The following RSAD2 variants were observed in gnomAD, a reference collection of about 807,000 sequenced individuals.
The protein encoded by RSAD2 is radical S-adenosyl methionine domain containing 2.
A neutral mutation model predicts 37.7 loss-of-function variants in RSAD2; 38 were observed. That is an observed-to-expected ratio of 1.01 (90% CI 0.78 to 1.32). The LOEUF (loss-of-function observed/expected upper bound fraction) is 1.32, where lower values mean the gene tolerates loss of function less well. Among genes scored for constraint, RSAD2 ranks in the 40% most tolerant of loss-of-function variants. RSAD2 has a pLI of 0.00. For synonymous variants in RSAD2, 163 were observed against 157.4 expected, an observed-to-expected ratio of 1.04 and a Z score of -0.27; for missense variants, 428 against 437.5, an observed-to-expected ratio of 0.98 and a Z score of 0.19.
At position 6,890,164 on chromosome 2, in the gene RSAD2, A is replaced by ATTGCCTTTCAGGTGTTCCAG; in HGVS notation, c.739-10_748dup. The ATTGCCTTTCAGGTGTTCCAG allele has an allele frequency of 6.2e-7, 1 of 1,613,682 alleles. No individual in the cohort carries two copies. Among genetic ancestry groups the ATTGCCTTTCAGGTGTTCCAG allele is most frequent in the Non-Finnish European group, 8.5e-7 (1 of 1,179,686 alleles). ...AGCTCTCTGCAAAGCAAACACTACC[A>ATTGCCTTTCAGGTGTTCCAG]TTGCCTTTCAGGTGTTCCAGTGCCT... On this transcript the variant is annotated splice_polypyrimidine_tract_variant and intron_variant, in intron 3 of 5. Transcript: ENST00000382040.
chr2:6,885,513 G>T (rs1663500460), intron 2 of RSAD2, among the ~76,000 whole-genome samples: 1 of 152,170 alleles, frequency 6.6e-6, no homozygotes, highest in Non-Finnish European at 1.5e-5. Context: ...GCTACCATAT[G>T]TGCAGGGATT....
chr2:6,883,291 A>C, intron 1 of RSAD2, 80 bp from the exon 2 acceptor site: 1 of 1,464,930 alleles, frequency 6.8e-7, no homozygotes. Context: ...TTTTTTTTAC[A>C]TTGAGAAAAT....
intron 2 of RSAD2, 138 bp downstream of exon 2, chr2:6,883,670 A>G: frequency 1.0e-6 from 1 of 959,632 alleles, no homozygotes; most frequent in Non-Finnish European, 1.5e-6. Context: ...TGCTTACTCT[A>G]ATTGCTTTTC....
In RSAD2 at chr2:6,884,225, T is replaced by C. The variant is rs183199427; in HGVS notation, c.508+693T>C. Among the ~76,000 whole-genome samples, 4 of 152,300 alleles carry C rather than the reference T, an allele frequency of 2.6e-5. No individual in the cohort carries two copies. The East Asian group carries it at 7.7e-4, about 29-fold the overall frequency. ...CTGCATTTATAATCTGTTGAGGATG[T>C]TGCTGAGACATCTCTGATACCCCAT... On this transcript the variant is annotated intron_variant, in intron 2 of 5. Coordinates refer to ENST00000382040, the MANE Select transcript of RSAD2 (RefSeq NM_080657.5).
chr2:6,882,146 C>T (rs967254534), intron 1 of RSAD2, among the ~76,000 whole-genome samples: 5 of 152,220 alleles, frequency 3.3e-5, no homozygotes, highest in African/African-American at 1.2e-4. Context: ...CCAGCCCCTC[C>T]CTTCATCACA....
Position 6,878,125 on chromosome 2 carries a change from T to A in RSAD2, c.325T>A (p.Leu109Met). 3 of 1,613,942 alleles carry A rather than the reference T, an allele frequency of 1.9e-6. No individual in the cohort carries two copies. Among genetic ancestry groups the A allele is most frequent in the Non-Finnish European group, 2.5e-6 (3 of 1,179,922 alleles). ...GCCCCTTGAGGAAGCAAAGAGAGGA[T>A]TGCTTTTGCTTAAGGAAGCTGGTGA... ...VLPLEEAKRG[L>M]LLLKEAGMEK... is the part of the protein sequence containing the mutation. The change falls in exon 1 of 6, where the codon TTG (leucine) becomes ATG (methionine). Residue 109 changes from leucine to methionine, a missense_variant. Coordinates refer to ENST00000382040, the MANE Select transcript of RSAD2 (RefSeq NM_080657.5).
intron 4 of RSAD2, among the ~76,000 whole-genome samples, chr2:6,891,721 C>T (rs1346710696): frequency 6.6e-6 from 1 of 152,052 alleles, no homozygotes; most frequent in South Asian, 2.1e-4. Flanking sequence ...GAGCGGAGAT[C>T]GCTCACTGCA....
At chr2:6,893,258 C>CA (rs1000379159) in intron 4 of RSAD2, among the ~76,000 whole-genome samples, 5 of 151,210 alleles carry the variant, frequency 3.3e-5, no homozygotes, top group Non-Finnish European at 7.4e-5. Flanking sequence ...CCTTTAGCTC[C>CA]AAAAAAATAG....
At position 6,883,549 on chromosome 2, in the gene RSAD2, G is replaced by A. The variant is rs1201524922; in HGVS notation, c.508+17G>A. 3 of 1,612,526 alleles carry A rather than the reference G, an allele frequency of 1.9e-6. No homozygotes were observed. The highest frequency in any genetic ancestry group is 1.7e-4 in the Middle Eastern group (1 of 6,056). On this transcript the variant is annotated intron_variant, in intron 2 of 5. Transcript: ENST00000382040. The stretch of plus-strand genomic sequence containing the variant: ...AGAATTATGGTGTGCTCCATGGGAT[G>A]GCATTCTTCTTATTGCTATTGCTAT...
chr2:6,892,425 G>T (rs1449031174), intron 4 of RSAD2, among the ~76,000 whole-genome samples: 1 of 152,106 alleles, frequency 6.6e-6, no homozygotes, highest in African/African-American at 2.4e-5. Context: ...TGACATCAAA[G>T]AAAATTTGGT....
chr2:6,869,922 T>G (rs561437379), intron 1 of RSAD2, among the ~76,000 whole-genome samples: 1 of 152,182 alleles, frequency 6.6e-6, no homozygotes, highest in Admixed American at 6.5e-5. Context: ...TTTCTAACTT[T>G]GGGGCTTGAA....
At chr2:6,884,763 C>T (rs1663482513) in intron 2 of RSAD2, among the ~76,000 whole-genome samples, 1 of 152,126 alleles carries the variant, frequency 6.6e-6, no homozygotes, top group Non-Finnish European at 1.5e-5. Flanking sequence ...GCGCCATATT[C>T]CTATAGTGCA....
At chr2:6,870,139 T>C (rs999096274) in intron 1 of RSAD2, among the ~76,000 whole-genome samples, 23 of 152,228 alleles carry the variant, frequency 1.5e-4, no homozygotes, top group African/African-American at 4.6e-4. Context: ...GAAAATACCT[T>C]TGTTTCACAC....
At position 6,890,187 on chromosome 2, in the gene RSAD2, C is replaced by T; in HGVS notation, c.750C>T (p.Cys250=). 6.2e-7 allele frequency: 1 copy of T among 1,614,062 alleles called. No homozygotes were observed. The highest frequency in any genetic ancestry group is 8.5e-7 in the Non-Finnish European group (1 of 1,179,962). Residue 250 remains cysteine, a synonymous_variant, in exon 4 of 6, where the codon TGC becomes TGT. Coordinates refer to ENST00000382040, the MANE Select transcript of RSAD2 (RefSeq NM_080657.5). The stretch of plus-strand genomic sequence containing the variant: ...CCATTGCCTTTCAGGTGTTCCAGTG[C>T]CTCTTAATTGAGGGTGAGAATTGTG... ...LNPVRWKVFQ[C]LLIEGENCGE...
chr2:6,890,591 T>A (rs1270982984), intron 4 of RSAD2, among the ~76,000 whole-genome samples: 2 of 152,280 alleles, frequency 1.3e-5, no homozygotes, highest in South Asian at 2.1e-4. Flanking sequence ...TGTATATAGA[T>A]TCATGTAGAT....
Position 6,896,033 on chromosome 2 carries a change from C to A in RSAD2, c.*91C>A. The A allele has an allele frequency of 7.6e-7, 1 of 1,316,166 alleles. No homozygotes were observed. The highest frequency in any genetic ancestry group is 1.0e-6 in the Non-Finnish European group (1 of 959,958). The allele number at this position is 1,316,166 out of a possible 1,614,324, so 81.5% of individuals were successfully genotyped here. A position where few individuals can be genotyped will look rare whatever the true frequency, so the allele number is the denominator to read the frequency against. On this transcript the variant is annotated 3_prime_UTR_variant, in exon 6 of 6. Coordinates refer to ENST00000382040, the MANE Select transcript of RSAD2 (RefSeq NM_080657.5). Reference sequence around the variant, plus strand: ...GCAATACTATCCCGTTGGTATTTCCCAGTGGCTGAAAACCTGATTTTCTGC... The same window carrying A: ...GCAATACTATCCCGTTGGTATTTCCAAGTGGCTGAAAACCTGATTTTCTGC...
At chr2:6,868,162 A>T (rs921793465) in intron 1 of RSAD2, among the ~76,000 whole-genome samples, 5 of 152,244 alleles carry the variant, frequency 3.3e-5, no homozygotes, top group African/African-American at 1.2e-4. Context: ...GTATTAAACA[A>T]GAGAAAATGA....
At chr2:6,869,369 CAT>C (rs1299313334) in intron 1 of RSAD2, among the ~76,000 whole-genome samples, 1 of 127,226 alleles carries the variant, frequency 7.9e-6, no homozygotes, top group Non-Finnish European at 1.6e-5. Flanking sequence ...CACACACACA[CAT>C]ACACACTCAT....
At chr2:6,886,783 A>G in intron 2 of RSAD2, 152 bp from the exon 3 acceptor site, 1 of 592,644 alleles carries the variant, frequency 1.7e-6, no homozygotes, top group South Asian at 2.3e-5. Flanking sequence ...ACAAGAAGAA[A>G]GTAAAATTCA....
Sources: allele counts gnomAD v4.1 joint callset (sites outside exome capture counted in the v4.1 genomes callset), GRCh38; gene constraint gnomAD v4.1.1; transcripts MANE v1.5; gene names NCBI Gene and HGNC (gene_info 2026-07-23, HGNC 2026-07-21).